Variants in SLC9A9 observed in about 807,000 individuals in gnomAD.
The protein encoded by SLC9A9 is solute carrier family 9 member A9, also known as sodium/hydrogen exchanger 9.
In SLC9A9, 62 loss-of-function variants were observed where a neutral mutation model predicts 77.8. That is an observed-to-expected ratio of 0.80 (90% CI 0.65 to 0.98). SLC9A9 has a LOEUF of 0.98. SLC9A9 is among the 50% of genes least tolerant of loss of function. The pLI is 0.00. For missense variants in SLC9A9, 775 were observed against 774.9 expected (o/e 1.00, Z 0.00); for synonymous variants, 320 against 283.5 (o/e 1.13, Z -1.29).
intron 12 of SLC9A9, among the ~76,000 whole-genome samples, chr3:143,413,763 G>C (rs1057184394): frequency 2.7e-5 from 4 of 147,974 alleles, no homozygotes; most frequent in African/African-American, 1.0e-4. Flanking sequence ...CCAAAGTACA[G>C]AGATCAGTAT....
At chr3:143,641,027 C>T (rs551275101) in intron 6 of SLC9A9, among the ~76,000 whole-genome samples, 1 of 152,188 alleles carries the variant, frequency 6.6e-6, no homozygotes, top group South Asian at 2.1e-4. Flanking sequence ...TCCCCAGAAA[C>T]TGGAGAGAAC....
intron 13 of SLC9A9, among the ~76,000 whole-genome samples, chr3:143,375,351 C>T (rs1033437900): frequency 6.6e-6 from 1 of 152,170 alleles, no homozygotes; most frequent in Admixed American, 6.5e-5. Context: ...TTCTTTTGAC[C>T]AAATAGGAGT....
chr3:143,450,476 A>T (rs1173948220), intron 12 of SLC9A9, among the ~76,000 whole-genome samples: 1 of 151,868 alleles, frequency 6.6e-6, no homozygotes, highest in Non-Finnish European at 1.5e-5. Context: ...AATAATAATT[A>T]TCTCTGTGTG....
At chr3:143,313,045 G>T (rs994684259) in intron 14 of SLC9A9, 3 of 152,144 alleles carry the variant, frequency 2.0e-5, no homozygotes, top group African/African-American at 7.2e-5. Context: ...GGCTGAGGAA[G>T]TTAAAAAAAA....
intron 9 of SLC9A9, among the ~76,000 whole-genome samples, chr3:143,509,986 A>G (rs1205927114): frequency 6.6e-6 from 1 of 152,196 alleles, no homozygotes; most frequent in Non-Finnish European, 1.5e-5. Flanking sequence ...TTTTATGCTT[A>G]ACAAGAGCCA....
rs201089003 is a variant in SLC9A9 at position 143,796,832 on chromosome 3, T to A, written c.450A>T (p.Leu150=). The A allele has an allele frequency of 3.1e-6, 5 of 1,605,056 alleles. No homozygotes were observed. The Admixed American group carries it at 8.4e-5, about 27-fold the overall frequency. Residue 150 remains leucine, a synonymous_variant, in exon 3 of 16, where the codon CTA becomes CTT. Coordinates refer to ENST00000316549, the MANE Select transcript of SLC9A9 (RefSeq NM_173653.4). ...ATGATCACTATATATTTACCTTCTT[T>A]AGACTATATCCTGCATGAAATATAA... ...PPIIFHAGYS[L]KKRHFFQNLG...
chr3:143,607,889 A>G (rs2037954047), intron 6 of SLC9A9, among the ~76,000 whole-genome samples: 1 of 152,030 alleles, frequency 6.6e-6, no homozygotes. Flanking sequence ...TTTATAGCAC[A>G]AATATTTTTA....
At chr3:143,281,284 A>G (rs942450349) in intron 14 of SLC9A9, among the ~76,000 whole-genome samples, 23 of 152,190 alleles carry the variant, frequency 1.5e-4, no homozygotes, top group African/African-American at 5.3e-4. Context: ...TTTGAGAGAA[A>G]ATAAAACTTT....
At chr3:143,641,385 C>CTTTTTTTTTTTTTTTTTTTTTT (rs529425639) in intron 6 of SLC9A9, among the ~76,000 whole-genome samples, 2 of 78,820 alleles carry the variant, frequency 2.5e-5, no homozygotes, top group Non-Finnish European at 4.7e-5. Flanking sequence ...TTGTCACAGT[C>CTTTTTTTTTTTTTTTTTTTTTT]TTTTTTTTTT....
chr3:143,279,022 TA>T (rs749884104), intron 14 of SLC9A9, among the ~76,000 whole-genome samples: 82 of 149,540 alleles, frequency 5.5e-4, no homozygotes, highest in Non-Finnish European at 4.4e-5. Flanking sequence ...GGGCACATAA[TA>T]AGCATTCTAT....
chr3:143,555,807 T>C (rs2108642110), intron 8 of SLC9A9, among the ~76,000 whole-genome samples: 1 of 152,366 alleles, frequency 6.6e-6, no homozygotes, highest in African/African-American at 2.4e-5. Context: ...ACAGGCTATG[T>C]TGTTGCTAAA....
intron 4 of SLC9A9, among the ~76,000 whole-genome samples, chr3:143,734,732 CAA>C (rs532314682): frequency 0.041 from 2,699 of 66,038 alleles, 81 homozygotes; most frequent in African/African-American, 0.12. Flanking sequence ...GACTCCATCT[CAA>C]AAAAAAAAAA....
intron 1 of SLC9A9, among the ~76,000 whole-genome samples, chr3:143,845,226 G>C (rs1203907330): frequency 6.6e-6 from 1 of 152,136 alleles, no homozygotes; most frequent in Non-Finnish European, 1.5e-5. Flanking sequence ...TTGTTTGTCT[G>C]CAAAATGAGA....
At chr3:143,321,855 C>A (rs988588027) in intron 14 of SLC9A9, among the ~76,000 whole-genome samples, 11 of 152,166 alleles carry the variant, frequency 7.2e-5, no homozygotes, top group African/African-American at 2.7e-4. Flanking sequence ...AGGCTATAGA[C>A]CCTTTGGGAG....
chr3:143,807,979 T>C (rs1028042092), intron 2 of SLC9A9, among the ~76,000 whole-genome samples: 12 of 152,168 alleles, frequency 7.9e-5, no homozygotes, highest in African/African-American at 2.7e-4. Flanking sequence ...GGGTGGCTTC[T>C]GCAGAATCCC....
At chr3:143,800,541 GC>G (rs2008522788) in intron 2 of SLC9A9, among the ~76,000 whole-genome samples, 1 of 152,108 alleles carries the variant, frequency 6.6e-6, no homozygotes, top group African/African-American at 2.4e-5. Context: ...TCTTAAAGAT[GC>G]TTTTTTCACT....
At chr3:143,829,968 G>A (rs1002977199) in intron 2 of SLC9A9, among the ~76,000 whole-genome samples, 1 of 152,106 alleles carries the variant, frequency 6.6e-6, no homozygotes, top group Non-Finnish European at 1.5e-5. Context: ...CAAAGAAGGG[G>A]GATGGAAGAT....
chr3:143,547,088 AC>A lies in SLC9A9; in HGVS notation c.1089+5273del, dbSNP rs2036803381. Among the ~76,000 whole-genome samples, 4 of 152,118 alleles carry A rather than the reference AC, an allele frequency of 2.6e-5. 1 individual carries two copies. In the South Asian group the frequency reaches 8.3e-4, roughly 31 times the overall value. ...AGACACTCTTCTTTTGACTTCTAGG[AC>A]GCCATACTTTGCTTTTCTTTTCCCT... On this transcript the variant is annotated intron_variant, in intron 9 of 15. Transcript: ENST00000316549.
At chr3:143,372,727 T>C (rs944898487) in intron 13 of SLC9A9, among the ~76,000 whole-genome samples, 2 of 152,060 alleles carry the variant, frequency 1.3e-5, no homozygotes, top group Non-Finnish European at 2.9e-5. Flanking sequence ...GAAACTAGTG[T>C]CCAGAATCTA....
Sources: allele counts gnomAD v4.1 joint callset (sites outside exome capture counted in the v4.1 genomes callset), GRCh38; gene constraint gnomAD v4.1.1; transcripts MANE v1.5; gene names NCBI Gene and HGNC (gene_info 2026-07-23, HGNC 2026-07-21).